Variants in PRKN observed in about 807,000 individuals in gnomAD.
The protein encoded by PRKN is E3 ubiquitin-protein ligase parkin.
Under a neutral mutation model 59.5 loss-of-function variants are expected in PRKN, and 56 were observed. The ratio of observed to expected loss-of-function variants is 0.94; its 90% CI spans 0.76 to 1.18. PRKN has a LOEUF of 1.18. Among genes scored for constraint, PRKN ranks in the 50% most tolerant of loss-of-function variants. The pLI is 0.00. For missense variants in PRKN, 657 were observed against 596.4 expected (o/e 1.10, Z -1.06); for synonymous variants, 250 against 222.1 (o/e 1.13, Z -1.12).
intron 1 of PRKN, among the ~76,000 whole-genome samples, chr6:162,528,886 A>AT (rs1320005778): frequency 2.0e-5 from 3 of 151,848 alleles, no homozygotes; most frequent in Non-Finnish European, 1.5e-5. Flanking sequence ...TTACTTATTT[A>AT]TTTTTTTTGG....
intron 9 of PRKN, among the ~76,000 whole-genome samples, chr6:161,450,834 CG>C (rs1195555760): frequency 1.3e-5 from 2 of 152,154 alleles, no homozygotes; most frequent in Non-Finnish European, 2.9e-5. Context: ...GGATTACAGG[CG>C]TGAGCCACCA....
intron 6 of PRKN, among the ~76,000 whole-genome samples, chr6:161,953,221 CCT>C (rs1780051587): frequency 6.6e-6 from 1 of 152,250 alleles, no homozygotes; most frequent in East Asian, 1.9e-4. Context: ...AAGTGATTTT[CCT>C]GCCTCGGCCT....
In PRKN at chr6:161,354,927, A is replaced by G. The variant is rs937578655; in HGVS notation, c.1286-4716T>C. ...CTTTCCTACAGTCACGAACCATTTG[A>G]CTCCTACAACTCCATCTTTGGAGGC... is the stretch of plus-strand genomic sequence containing the variant. On this transcript the variant is annotated intron_variant, in intron 11 of 11. Coordinates refer to ENST00000366898, the MANE Select transcript of PRKN (RefSeq NM_004562.3). The surrounding 1 kb of genome is among the most constrained non-coding windows in gnomAD (Gnocchi z 6.7). 2.6e-5 allele frequency among the ~76,000 whole-genome samples: 4 copies of G among 152,106 alleles called. No individual in the cohort carries two copies. The highest frequency in any genetic ancestry group is 9.7e-5 in the African/African-American group (4 of 41,408).
intron 9 of PRKN, among the ~76,000 whole-genome samples, chr6:161,514,907 C>T (rs777026312): frequency 9.9e-5 from 15 of 152,140 alleles, no homozygotes; most frequent in Non-Finnish European, 1.3e-4. Context: ...GGGTTCCTCT[C>T]CCCTGAAGCC....
intron 6 of PRKN, among the ~76,000 whole-genome samples, chr6:161,837,970 A>G (rs1792831521): frequency 6.6e-6 from 1 of 152,204 alleles, no homozygotes; most frequent in Admixed American, 6.5e-5. Flanking sequence ...CTCTACCTCA[A>G]GTCATGAGAA....
intron 2 of PRKN, among the ~76,000 whole-genome samples, chr6:162,412,778 T>TTA (rs763036689): frequency 8.5e-5 from 13 of 152,196 alleles, no homozygotes; most frequent in Non-Finnish European, 1.8e-4. Context: ...AACTGTAAGC[T>TTA]TATAACTGGG....
chr6:161,654,210 T>C (rs369707852), intron 7 of PRKN, among the ~76,000 whole-genome samples: 1 of 152,186 alleles, frequency 6.6e-6, no homozygotes, highest in Non-Finnish European at 1.5e-5. Flanking sequence ...AATTTTCACA[T>C]CCAGAGAATC....
intron 7 of PRKN, among the ~76,000 whole-genome samples, chr6:161,591,646 G>A (rs941322010): frequency 6.6e-6 from 1 of 152,224 alleles, no homozygotes; most frequent in African/African-American, 2.4e-5. Context: ...AATATCCGAA[G>A]GTAAGGCCAG....
At chr6:162,200,263 A>G (rs1040523316) in intron 4 of PRKN, among the ~76,000 whole-genome samples, 7 of 151,976 alleles carry the variant, frequency 4.6e-5, no homozygotes, top group African/African-American at 1.7e-4. Flanking sequence ...ACCACATCAC[A>G]TCCAGCCAAA....
At chr6:162,457,028 G>A (rs1667821590) in intron 1 of PRKN, among the ~76,000 whole-genome samples, 1 of 152,176 alleles carries the variant, frequency 6.6e-6, no homozygotes, top group Non-Finnish European at 1.5e-5. Context: ...CAGTACGAAA[G>A]TTGAAACAAG....
At chr6:162,541,991 C>T (rs1436597487) in intron 1 of PRKN, among the ~76,000 whole-genome samples, 7 of 152,154 alleles carry the variant, frequency 4.6e-5, no homozygotes, top group Admixed American at 1.3e-4. Context: ...TTGACTAAAA[C>T]GCAAGGCTGT....
At chr6:161,698,091 A>G (rs1202548498) in intron 7 of PRKN, among the ~76,000 whole-genome samples, 2 of 152,194 alleles carry the variant, frequency 1.3e-5, no homozygotes, top group African/African-American at 4.8e-5. Flanking sequence ...ATATGAGACT[A>G]ATTAAATTAA....
At chr6:162,405,737 G>A (rs1298063960) in intron 2 of PRKN, among the ~76,000 whole-genome samples, 2 of 152,188 alleles carry the variant, frequency 1.3e-5, no homozygotes, top group Non-Finnish European at 2.9e-5. Context: ...CAGAAGAAAC[G>A]CTACGCGGGG....
intron 7 of PRKN, among the ~76,000 whole-genome samples, chr6:161,730,514 T>C (rs1343633871): frequency 3.3e-5 from 5 of 151,206 alleles, no homozygotes; most frequent in African/African-American, 1.2e-4. Flanking sequence ...ATGTGTTGCA[T>C]TCTGAAGTGT....
At chr6:161,728,902 C>T (rs1020555804) in intron 7 of PRKN, among the ~76,000 whole-genome samples, 3 of 152,168 alleles carry the variant, frequency 2.0e-5, no homozygotes, top group Non-Finnish European at 2.9e-5. Flanking sequence ...AATCTTCTTA[C>T]GCAGTGACCC....
At chr6:162,230,330 C>T (rs1778369048) in intron 3 of PRKN, among the ~76,000 whole-genome samples, 1 of 152,170 alleles carries the variant, frequency 6.6e-6, no homozygotes, top group African/African-American at 2.4e-5. Flanking sequence ...ATGTAGCTGG[C>T]TGCATTTGCT....
intron 2 of PRKN, among the ~76,000 whole-genome samples, chr6:162,279,900 T>G (rs551226695): frequency 2.2e-4 from 33 of 152,354 alleles, no homozygotes; most frequent in African/African-American, 7.7e-4. Flanking sequence ...CTCTTCTTGT[T>G]GTATTGATCC....
chr6:161,857,015 A>C (rs962460011), intron 6 of PRKN, among the ~76,000 whole-genome samples: 1 of 92,694 alleles, frequency 1.1e-5, no homozygotes, highest in African/African-American at 3.7e-5. Flanking sequence ...GGATCACCTG[A>C]GGTCAGGAGT....
chr6:162,129,980 C>T (rs1781282258), intron 4 of PRKN, among the ~76,000 whole-genome samples: 1 of 152,150 alleles, frequency 6.6e-6, no homozygotes, highest in Non-Finnish European at 1.5e-5. Context: ...CTTACAGTCT[C>T]AGAGGCTTTA....
Sources: gnomAD v4.1 joint callset for allele counts (sites outside exome capture counted in the v4.1 genomes callset) on GRCh38, gnomAD v4.1.1 for gene constraint, Gnocchi (gnomAD v3.1) non-coding constraint, MANE v1.5 for transcripts, NCBI Gene and HGNC (gene_info 2026-07-23, HGNC 2026-07-21) for gene names.